GOLT1A: variants seen among roughly 807,000 people sequenced by gnomAD.
GOLT1A encodes vesicle transport protein GOT1A.
GOLT1A carries 10 observed loss-of-function variants against 16.1 expected under a neutral mutation model. That is an observed-to-expected ratio of 0.62 (90% CI 0.38 to 1.05). The LOEUF (loss-of-function observed/expected upper bound fraction) is 1.05. GOLT1A is among the 50% of genes least tolerant of loss of function. The probability of loss-of-function intolerance (pLI) is 0.01; values close to 1 mark genes in which losing one functional copy is unlikely to be tolerated. For missense variants in GOLT1A, 137 were observed against 165.7 expected, an observed-to-expected ratio of 0.83 and a Z score of 0.95; for synonymous variants, 60 against 67.9, an observed-to-expected ratio of 0.88 and a Z score of 0.57.
rs1283981328 is a variant in GOLT1A at position 204,208,460 on chromosome 1, TTGTG to T, written c.25+5418_25+5421del. On this transcript the variant is annotated intron_variant, in intron 1 of 4. Coordinates refer to ENST00000308302, the MANE Select transcript of GOLT1A (RefSeq NM_198447.2). ...TACATATGTGTGTATATATGTATACTTGTGTGTGTGTGTGTGTATATATATATAT... is the reference window on the plus strand; with the variant it reads ...TACATATGTGTGTATATATGTATACTTGTGTGTGTGTGTATATATATATAT... Among the ~76,000 whole-genome samples, 62 of 55,762 alleles carry T rather than the reference TTGTG, an allele frequency of 1.1e-3. 1 individual carries two copies. The South Asian group carries it at 0.026, about 23-fold the overall frequency. The allele number at this position is 55,762 out of a possible 152,430, so 36.6% of individuals were successfully genotyped here. A position where few individuals can be genotyped will look rare whatever the true frequency, so the allele number is the denominator to read the frequency against.
chr1:204,200,409 C>T (rs186457547), intron 3 of GOLT1A, among the ~76,000 whole-genome samples: 280 of 149,142 alleles, frequency 1.9e-3, no homozygotes, highest in African/African-American at 6.4e-3. Context: ...CTGCAACCTT[C>T]GCCCCCTGCG....
intron 1 of GOLT1A, among the ~76,000 whole-genome samples, chr1:204,212,274 A>G (rs1426117988): frequency 6.6e-6 from 1 of 152,158 alleles, no homozygotes; most frequent in Admixed American, 6.5e-5. Context: ...CTCAAGGCAG[A>G]TCCAGCATGG....
chr1:204,205,245 G>C (rs1050724282), intron 1 of GOLT1A, among the ~76,000 whole-genome samples: 1 of 152,076 alleles, frequency 6.6e-6, no homozygotes, highest in African/African-American at 2.4e-5. Flanking sequence ...CAAATCCAGT[G>C]CTGTAATGCT....
chr1:204,209,449 T>C (rs529994424), intron 1 of GOLT1A, among the ~76,000 whole-genome samples: 2 of 152,318 alleles, frequency 1.3e-5, no homozygotes, highest in South Asian at 4.1e-4. Context: ...TTCTCTGTGT[T>C]AAACCTAATG....
chr1:204,205,906 C>T (rs1659031864), intron 1 of GOLT1A, among the ~76,000 whole-genome samples: 1 of 152,118 alleles, frequency 6.6e-6, no homozygotes, highest in Non-Finnish European at 1.5e-5. Flanking sequence ...CCCGTCTCTA[C>T]TAAAAATACA....
rs190980207 is a variant in GOLT1A, at chr1:204,211,579, T to A, written c.25+2303A>T. Among the ~76,000 whole-genome samples the A allele has an allele frequency of 3.9e-5, 6 of 152,328 alleles. No individual in the cohort carries two copies. In the East Asian group the frequency reaches 7.7e-4, roughly 20 times the overall value. On this transcript the variant is annotated intron_variant, in intron 1 of 4. Transcript: ENST00000308302. ...GACCTAAATCCCTCATTTCTCTCTCTCACAGGACTTGCTTATCATATTTGG... is the reference window on the plus strand; with the variant it reads ...GACCTAAATCCCTCATTTCTCTCTCACACAGGACTTGCTTATCATATTTGG...
At chr1:204,209,564 A>G (rs1300572820) in intron 1 of GOLT1A, among the ~76,000 whole-genome samples, 1 of 152,258 alleles carries the variant, frequency 6.6e-6, no homozygotes, top group African/African-American at 2.4e-5. Flanking sequence ...TGTAATGAAC[A>G]TACTGGGCCA....
intron 1 of GOLT1A, among the ~76,000 whole-genome samples, chr1:204,208,486 A>AT (rs1320384587): frequency 2.3e-5 from 2 of 86,590 alleles, no homozygotes; most frequent in East Asian, 6.2e-4. Context: ...GTATATATAT[A>AT]TATATATATA....
At chr1:204,205,681 C>T (rs1168640575) in intron 1 of GOLT1A, among the ~76,000 whole-genome samples, 2 of 152,160 alleles carry the variant, frequency 1.3e-5, no homozygotes, top group Non-Finnish European at 1.5e-5. Flanking sequence ...GGTAGTTAAT[C>T]CATCATCTGT....
intron 3 of GOLT1A, among the ~76,000 whole-genome samples, chr1:204,200,937 C>T (rs1033629212): frequency 2.6e-5 from 4 of 152,226 alleles, no homozygotes; most frequent in Admixed American, 6.5e-5. Context: ...CTCCTTCCTT[C>T]CTTTTCCTTC....
rs954252658 is a variant in GOLT1A at position 204,204,349 on chromosome 1, A to G, written c.26-1362T>C. Reference sequence around the variant, plus strand: ...CAACAACCACCATTTTACTTTCTCTATGAATTTTTGACTACTCTGGGAACC... The same window carrying G: ...CAACAACCACCATTTTACTTTCTCTGTGAATTTTTGACTACTCTGGGAACC... On this transcript the variant is annotated intron_variant, in intron 1 of 4. Transcript: ENST00000308302. Among the ~76,000 whole-genome samples, 7 of 152,088 alleles carry G rather than the reference A, an allele frequency of 4.6e-5. No individual in the cohort carries two copies. In the South Asian group the frequency reaches 1.2e-3, roughly 27 times the overall value.
chr1:204,202,946 G>A lies in GOLT1A; in HGVS notation c.67C>T (p.Leu23Phe). The change falls in exon 2 of 5, where the codon CTC becomes TTC. Residue 23 changes from leucine (L) to phenylalanine (F), a missense_variant. Transcript: ENST00000308302. ...GITGFGIFFI[L>F]FGTLLYFDSV... The stretch of plus-strand genomic sequence containing the variant: ...TCAAAGTACAGGAGTGTTCCAAAGA[G>A]GATGAAGAAGATGCCGAAACCGGTG... 4 of 1,614,132 alleles carry A rather than the reference G, an allele frequency of 2.5e-6. No homozygotes were observed. The highest frequency in any genetic ancestry group is 3.4e-6 in the Non-Finnish European group (4 of 1,180,010).
At chr1:204,200,330 T>C (rs1340798428) in intron 3 of GOLT1A, among the ~76,000 whole-genome samples, 1 of 101,492 alleles carries the variant, frequency 9.9e-6, no homozygotes, top group Non-Finnish European at 2.0e-5. Flanking sequence ...TGTTTTTGTT[T>C]TTTTTTTTTT....
At chr1:204,204,486 T>C (rs1355287820) in intron 1 of GOLT1A, among the ~76,000 whole-genome samples, 1 of 152,220 alleles carries the variant, frequency 6.6e-6, no homozygotes, top group Non-Finnish European at 1.5e-5. Context: ...TTTTCTTCCT[T>C]TTTAAAACAG....
At chr1:204,200,299 G>GTGTGTGTGTGTATC in intron 3 of GOLT1A, among the ~76,000 whole-genome samples, 1 of 82,684 alleles carries the variant, frequency 1.2e-5, no homozygotes, top group African/African-American at 5.5e-5. Context: ...ACATATATGT[G>GTGTGTGTGTGTATC]TATATATATA....
chr1:204,203,857 G>T (rs1659000296), intron 1 of GOLT1A, among the ~76,000 whole-genome samples: 1 of 152,044 alleles, frequency 6.6e-6, no homozygotes, highest in African/African-American at 2.4e-5. Context: ...CCCAAGGTTT[G>T]TAAGTGTCTC....
chr1:204,204,666 T>A (rs1659013134), intron 1 of GOLT1A, among the ~76,000 whole-genome samples: 1 of 152,278 alleles, frequency 6.6e-6, no homozygotes, highest in African/African-American at 2.4e-5. Context: ...TTCAGGTATA[T>A]ACCCCACAAA....
At chr1:204,207,469 C>T (rs1046270846) in intron 1 of GOLT1A, among the ~76,000 whole-genome samples, 2 of 152,170 alleles carry the variant, frequency 1.3e-5, no homozygotes, top group South Asian at 2.1e-4. Context: ...CTGCAACTCC[C>T]GAGTTGCTGC....
At chr1:204,208,472 G>GTATATATA (rs1317319058) in intron 1 of GOLT1A, among the ~76,000 whole-genome samples, 1 of 28,852 alleles carries the variant, frequency 3.5e-5, no homozygotes, top group African/African-American at 9.4e-5. Context: ...GTGTGTGTGT[G>GTATATATA]TGTGTATATA....
Sources: allele counts gnomAD v4.1 joint callset (sites outside exome capture counted in the v4.1 genomes callset), GRCh38; gene constraint gnomAD v4.1.1; transcripts MANE v1.5; gene names NCBI Gene and HGNC (gene_info 2026-07-23, HGNC 2026-07-21).